FSTL5: variants seen among roughly 807,000 people sequenced by gnomAD.
FSTL5 encodes the protein follistatin like 5.
FSTL5 carries 62 observed loss-of-function variants against 89.1 expected under a neutral mutation model. The ratio of observed to expected loss-of-function variants is 0.70; its 90% CI spans 0.57 to 0.86. The LOEUF (loss-of-function observed/expected upper bound fraction) is 0.86. Among genes scored for constraint, FSTL5 ranks in the 40% least tolerant of loss-of-function variants. The pLI, the probability that FSTL5 is intolerant of heterozygous loss-of-function variation, is 0.00. For synonymous variants in FSTL5, 383 were observed against 346.2 expected, an observed-to-expected ratio of 1.11 and a Z score of -1.18; for missense variants, 1,057 against 1,001.6, an observed-to-expected ratio of 1.06 and a Z score of -0.75.
intron 15 of FSTL5, among the ~76,000 whole-genome samples, chr4:161,404,660 C>CA (rs1731295143): frequency 6.8e-6 from 1 of 147,242 alleles, no homozygotes; most frequent in African/African-American, 2.5e-5. Context: ...AATGACAGTA[C>CA]GTAACAATAA....
intron 1 of FSTL5, among the ~76,000 whole-genome samples, chr4:162,124,518 A>G (rs1342498130): frequency 6.6e-6 from 1 of 152,214 alleles, no homozygotes; most frequent in East Asian, 1.9e-4. Context: ...TTAAAGGACT[A>G]GAACCGGAAA....
chr4:161,893,586 T>C (rs1733057796), intron 4 of FSTL5, among the ~76,000 whole-genome samples: 1 of 152,168 alleles, frequency 6.6e-6, no homozygotes. Context: ...CTAAATGTCA[T>C]TTGCCTAGGA....
chr4:161,844,301 G>T (rs1333987011), intron 4 of FSTL5, among the ~76,000 whole-genome samples: 1 of 152,188 alleles, frequency 6.6e-6, no homozygotes, highest in African/African-American at 2.4e-5. Context: ...TGGAGAAGAT[G>T]TGGAGAAATA....
chr4:161,682,403 G>A (rs747361575), intron 6 of FSTL5, among the ~76,000 whole-genome samples: 27 of 151,916 alleles, frequency 1.8e-4, no homozygotes, highest in Non-Finnish European at 2.8e-4. Context: ...TACCTCTTTC[G>A]TAACAACACA....
chr4:161,638,120 T>C (rs1215157215), intron 7 of FSTL5, among the ~76,000 whole-genome samples: 1 of 151,164 alleles, frequency 6.6e-6, no homozygotes, highest in Non-Finnish European at 1.5e-5. Flanking sequence ...TCCATTTGTT[T>C]GTATCCTCTT....
At chr4:161,629,353 T>C (rs1030798503) in intron 7 of FSTL5, among the ~76,000 whole-genome samples, 18 of 152,260 alleles carry the variant, frequency 1.2e-4, no homozygotes, top group African/African-American at 4.1e-4. Flanking sequence ...AGATAATTTT[T>C]TTTTTTGAGA....
chr4:161,915,768 CA>C (rs1240946512), intron 4 of FSTL5, among the ~76,000 whole-genome samples: 1 of 122,440 alleles, frequency 8.2e-6, no homozygotes, highest in Non-Finnish European at 1.9e-5. Flanking sequence ...ATACTGACAA[CA>C]AAAACAAAAC....
At chr4:161,924,887 A>T (rs1734082440) in intron 3 of FSTL5, among the ~76,000 whole-genome samples, 1 of 151,902 alleles carries the variant, frequency 6.6e-6, no homozygotes, top group Admixed American at 6.6e-5. Context: ...GGTGTTCATT[A>T]TCTCATAAAA....
intron 6 of FSTL5, among the ~76,000 whole-genome samples, chr4:161,673,708 GTTTA>G (rs1237465594): frequency 6.6e-6 from 1 of 151,770 alleles, no homozygotes; most frequent in African/African-American, 2.4e-5. Context: ...TTAAGCCTGA[GTTTA>G]TTATTAATTT....
chr4:161,616,937 A>C (rs1734895431), intron 7 of FSTL5, among the ~76,000 whole-genome samples: 1 of 150,954 alleles, frequency 6.6e-6, no homozygotes, highest in Non-Finnish European at 1.5e-5. Context: ...TCCAATTACA[A>C]ATCAATCAGA....
intron 10 of FSTL5, among the ~76,000 whole-genome samples, chr4:161,515,333 G>A (rs755183635): frequency 6.6e-6 from 1 of 151,810 alleles, no homozygotes; most frequent in Non-Finnish European, 1.5e-5. Context: ...AAGGAGCTGG[G>A]ATTACAGGCT....
intron 4 of FSTL5, among the ~76,000 whole-genome samples, chr4:161,832,828 C>T (rs929843277): frequency 6.6e-6 from 1 of 150,626 alleles, no homozygotes; most frequent in African/African-American, 2.4e-5. Flanking sequence ...TTTCAAAAAA[C>T]CAGCTCCTGG....
intron 6 of FSTL5, among the ~76,000 whole-genome samples, chr4:161,757,698 A>G (rs1740626783): frequency 6.6e-6 from 1 of 151,902 alleles, no homozygotes; most frequent in African/African-American, 2.4e-5. Flanking sequence ...GGCTCACTTC[A>G]ACCTTTGCCT....
intron 12 of FSTL5, among the ~76,000 whole-genome samples, chr4:161,482,632 A>T (rs1341443684): frequency 6.6e-6 from 1 of 152,204 alleles, no homozygotes; most frequent in Non-Finnish European, 1.5e-5. Flanking sequence ...GATATACCAC[A>T]TTTGACATTG....
At chr4:161,854,477 A>G (rs1452154871) in intron 4 of FSTL5, among the ~76,000 whole-genome samples, 3 of 152,188 alleles carry the variant, frequency 2.0e-5, no homozygotes, top group African/African-American at 7.2e-5. Flanking sequence ...TCATTGGAAC[A>G]ATTACATATA....
At chr4:162,096,743 T>C (rs567596419) in intron 2 of FSTL5, among the ~76,000 whole-genome samples, 3 of 151,956 alleles carry the variant, frequency 2.0e-5, no homozygotes, top group African/African-American at 7.2e-5. Context: ...AAGTTTACTA[T>C]ATGTTATAAA....
chr4:161,745,020 C>T (rs1255708267), intron 6 of FSTL5, among the ~76,000 whole-genome samples: 7 of 147,988 alleles, frequency 4.7e-5, no homozygotes, highest in South Asian at 2.1e-4. Flanking sequence ...GAGTAGTTTC[C>T]GGAGGAAAAA....
intron 2 of FSTL5, among the ~76,000 whole-genome samples, chr4:162,110,419 T>A (rs1196164400): frequency 6.6e-6 from 1 of 151,916 alleles, no homozygotes; most frequent in Non-Finnish European, 1.5e-5. Flanking sequence ...TCAGCAAAAA[T>A]ATATGCAGTG....
intron 15 of FSTL5, among the ~76,000 whole-genome samples, chr4:161,453,394 C>G (rs570424440): frequency 6.6e-6 from 1 of 152,074 alleles, no homozygotes; most frequent in Non-Finnish European, 1.5e-5. Flanking sequence ...CACCAATTGC[C>G]AATTACATTA....
Sources: allele counts gnomAD v4.1 joint callset (sites outside exome capture counted in the v4.1 genomes callset), GRCh38; gene constraint gnomAD v4.1.1; transcripts MANE v1.5; gene names NCBI Gene and HGNC (gene_info 2026-07-23, HGNC 2026-07-21).